The following NAGPA variants were observed in gnomAD, a reference collection of about 807,000 sequenced individuals.
NAGPA encodes the protein alpha-N-acetylglucosaminyl phosphodiesterase.
Under a neutral mutation model 48.5 loss-of-function variants are expected in NAGPA, and 56 were observed. That is an observed-to-expected ratio of 1.15 (90% CI 0.93 to 1.44). The LOEUF is 1.44. NAGPA is among the 40% of genes most tolerant of loss of function. The pLI, the probability that NAGPA is intolerant of heterozygous loss-of-function variation, is 0.00. For missense variants in NAGPA, 888 were observed against 735.0 expected, an observed-to-expected ratio of 1.21 and a Z score of -2.41; for synonymous variants, 399 against 315.5, an observed-to-expected ratio of 1.26 and a Z score of -2.81.
At chr16:5,029,207 G>A (rs1956059953) in intron 4 of NAGPA, 199 bp from the exon 5 acceptor site, 15 of 849,992 alleles carry the variant, frequency 1.8e-5, no homozygotes, top group Non-Finnish European at 2.7e-5. Context: ...CTGTTACATG[G>A]CATAGGAATC....
At chr16:5,031,079 A>AC (rs1296019367) in intron 3 of NAGPA, 1 of 168,070 alleles carries the variant, frequency 5.9e-6, no homozygotes, top group African/African-American at 2.4e-5. Context: ...ACAGGCACAC[A>AC]CCACCATGCC....
chr16:5,025,805 C>CCGT, intron 9 of NAGPA, 120 bp from the exon 10 acceptor site: 1 of 1,024,686 alleles, frequency 9.8e-7, no homozygotes, highest in East Asian at 2.6e-5. Flanking sequence ...CCTCCAGGGA[C>CCGT]CACACAGGGA....
intron 3 of NAGPA, chr16:5,031,197 A>G (rs1438382071): frequency 5.8e-6 from 1 of 173,828 alleles, no homozygotes; most frequent in Non-Finnish European, 1.2e-5. Flanking sequence ...GGCCTCCCAA[A>G]GTGCTGGGAT....
At chr16:5,030,219 C>G (rs563302941) in intron 4 of NAGPA, 166 bp downstream of exon 4, 1 of 674,218 alleles carries the variant, frequency 1.5e-6, no homozygotes, top group Non-Finnish European at 2.6e-6. Flanking sequence ...CGGCAAAGAT[C>G]TCAGAACCCT....
intron 9 of NAGPA, 85 bp from the exon 10 acceptor site, chr16:5,025,770 G>T: frequency 7.2e-7 from 1 of 1,381,632 alleles, no homozygotes; most frequent in South Asian, 1.2e-5. Flanking sequence ...CCCTCTACCC[G>T]GCATAGATAG....
chr16:5,032,125 C>T (rs1291345302), intron 2 of NAGPA, among the ~76,000 whole-genome samples: 1 of 152,106 alleles, frequency 6.6e-6, no homozygotes, highest in African/African-American at 2.4e-5. Flanking sequence ...CAGTCTGTTT[C>T]ATTTAACAGA....
chr16:5,025,928 A>ATT (rs566702374), intron 9 of NAGPA, among the ~76,000 whole-genome samples: 9 of 139,714 alleles, frequency 6.4e-5, no homozygotes, highest in Admixed American at 2.9e-4. Context: ...CCATCTCCTG[A>ATT]TTTTTTTTTT....
chr16:5,032,079 G>T (rs1306221516), intron 2 of NAGPA, among the ~76,000 whole-genome samples, 195 bp from the exon 3 acceptor site: 1 of 152,090 alleles, frequency 6.6e-6, no homozygotes, highest in Non-Finnish European at 1.5e-5. Context: ...AGCTGGACAG[G>T]GTTCTGACAA....
intron 2 of NAGPA, among the ~76,000 whole-genome samples, chr16:5,032,578 C>A: frequency 6.6e-6 from 1 of 151,890 alleles, no homozygotes; most frequent in Non-Finnish European, 1.5e-5. Context: ...ACTCCAGAGG[C>A]TGAGGCAGGA....
chr16:5,028,933 G>C lies in NAGPA; in HGVS notation c.867C>G (p.Gly289=), dbSNP rs777436116. Residue 289 remains glycine (G), a synonymous_variant, in exon 5 of 10, where the codon GGC becomes GGG. Transcript: ENST00000312251. ...TCCCGTTGAGCACAAAGGTGGCAGA[G>C]CCACCCCCATCCAGGTTGATGGCGT... ...VVNAINLDGG[G]SATFVLNGTL... is the part of the protein sequence containing the mutation. 3.8e-5 allele frequency: 62 copies of C among 1,613,926 alleles called. No homozygotes were observed. Among genetic ancestry groups the C allele is most frequent in the Non-Finnish European group, 5.2e-5 (61 of 1,180,052 alleles).
chr16:5,027,849 C>T lies in NAGPA; in HGVS notation c.1171G>A (p.Glu391Lys), dbSNP rs775425183. Reference protein sequence around the residue: ...DAGWTGSNCSEECPLGWHGPG... With the variant: ...DAGWTGSNCSKECPLGWHGPG... Reference sequence around the variant, plus strand: ...CTAGTGGCGTGGCAGCTCCTACCTTCACTGCAGTTGGACCCGGTCCATCCG... The same window carrying T: ...CTAGTGGCGTGGCAGCTCCTACCTTTACTGCAGTTGGACCCGGTCCATCCG... Residue 391 changes from glutamate to lysine, a missense_variant, in exon 7 of 10, where the codon GAA becomes AAA. Physicochemically the swap from Glu to Lys is moderately conservative, Grantham distance 56. Transcript: ENST00000312251. The T allele has an allele frequency of 1.9e-5, 29 of 1,560,128 alleles. No homozygotes were observed. In the East Asian group the frequency reaches 7.0e-4, roughly 38 times the overall value.
intron 3 of NAGPA, 58 bp downstream of exon 3, chr16:5,031,687 C>T: frequency 6.2e-7 from 1 of 1,611,692 alleles, no homozygotes; most frequent in African/African-American, 1.3e-5. Flanking sequence ...AACAGCTCCG[C>T]CCAGCCCACT....
chr16:5,030,399 T>C lies in NAGPA; in HGVS notation c.777A>G (p.Gln259=), dbSNP rs1956077947. The C allele has an allele frequency of 4.5e-6, 7 of 1,551,904 alleles. No homozygotes were observed. Among genetic ancestry groups the C allele is most frequent in the Non-Finnish European group, 6.1e-6 (7 of 1,147,238 alleles). Residue 259 remains glutamine (Q), a synonymous_variant, in exon 4 of 10, where the codon CAA becomes CAG. Coordinates refer to ENST00000312251, the MANE Select transcript of NAGPA (RefSeq NM_016256.4). ...GQLVLFHADG[Q]TEQRGINLWE... is the part of the protein sequence containing the mutation. ...CCAGGACTCACCCACGCTGCTCCGT[T>C]TGGCCGTCTGCATGAAAGAGCACCA...
At chr16:5,030,259 G>A in intron 4 of NAGPA, 126 bp downstream of exon 4, 1 of 860,468 alleles carries the variant, frequency 1.2e-6, no homozygotes, top group Non-Finnish European at 1.9e-6. Flanking sequence ...GGGGCCCTGG[G>A]AGGGGGGACA....
intron 5 of NAGPA, 129 bp from the exon 6 acceptor site, chr16:5,028,314 T>C (rs1302419467): frequency 1.3e-6 from 2 of 1,523,268 alleles, no homozygotes; most frequent in African/African-American, 2.8e-5. Flanking sequence ...ATGGCGTCTA[T>C]CTATTTTTGA....
chr16:5,028,415 T>G (rs1021580188), intron 5 of NAGPA: 15 of 872,698 alleles, frequency 1.7e-5, no homozygotes, highest in Non-Finnish European at 2.6e-5. Context: ...TTTTTTTATT[T>G]TTTCATAAAG....
chr16:5,032,678 C>CA lies in NAGPA; in HGVS notation c.542+594dup, dbSNP rs796080811. Among the ~76,000 whole-genome samples the CA allele has an allele frequency of 8.7e-3, 1,246 of 143,190 alleles. 7 individuals are homozygous for CA. The highest frequency in any genetic ancestry group is 0.041 in the East Asian group (207 of 4,996). The allele number at this position is 143,190 out of a possible 152,430, so 93.9% of individuals were successfully genotyped here. On this transcript the variant is annotated intron_variant, in intron 2 of 9. Coordinates refer to ENST00000312251, the MANE Select transcript of NAGPA (RefSeq NM_016256.4). The stretch of plus-strand genomic sequence containing the variant: ...TGGGCAACAGAGCAAGACTCTGTCT[C>CA]AAAAAAAAAAAAATCATCAGTCTTG...
intron 4 of NAGPA, 99 bp downstream of exon 4, chr16:5,030,286 C>G: frequency 8.8e-7 from 1 of 1,137,972 alleles, no homozygotes; most frequent in South Asian, 1.3e-5. Flanking sequence ...TGTCAACATC[C>G]CAGAAAGCAG....
chr16:5,025,558 G>A lies in NAGPA; in HGVS notation c.1468C>T (p.Pro490Ser), dbSNP rs765882782. 1.2e-6 allele frequency: 2 copies of A among 1,613,668 alleles called. No homozygotes were observed. Among genetic ancestry groups the A allele is most frequent in the Admixed American group, 1.7e-5 (1 of 60,032 alleles). ...GGCTCCCCGTTCATCTCCTGCAGCGGGTGGTATGCATAGTCCCCATGCAGG... is the reference window on the plus strand; with the variant it reads ...GGCTCCCCGTTCATCTCCTGCAGCGAGTGGTATGCATAGTCCCCATGCAGG... ...RRLHGDYAYH[P>S]LQEMNGEPLA... Residue 490 changes from proline (P) to serine (S), a missense_variant, in exon 10 of 10, where the codon CCG becomes TCG. Transcript: ENST00000312251.
Sources: gnomAD v4.1 joint callset for allele counts (sites outside exome capture counted in the v4.1 genomes callset) on GRCh38, gnomAD v4.1.1 for gene constraint, MANE v1.5 for transcripts, NCBI Gene and HGNC (gene_info 2026-07-23, HGNC 2026-07-21) for gene names.